The following RBMS3 variants were observed in gnomAD, a reference collection of about 807,000 sequenced individuals.
The protein encoded by RBMS3 is RNA-binding motif, single-stranded-interacting protein 3.
RBMS3 carries 27 observed loss-of-function variants against 66.8 expected under a neutral mutation model. That is an observed-to-expected ratio of 0.40 (90% CI 0.30 to 0.56). The LOEUF (loss-of-function observed/expected upper bound fraction) is 0.56. Among genes scored for constraint, RBMS3 ranks in the 20% least tolerant of loss-of-function variants. The pLI is 0.40. For synonymous variants in RBMS3, 188 were observed against 183.0 expected, an observed-to-expected ratio of 1.03 and a Z score of -0.22; for missense variants, 513 against 549.5, an observed-to-expected ratio of 0.93 and a Z score of 0.66.
intron 6 of RBMS3, among the ~76,000 whole-genome samples, chr3:29,770,181 C>A (rs915207624): frequency 6.6e-6 from 1 of 151,846 alleles, no homozygotes; most frequent in African/African-American, 2.4e-5. Flanking sequence ...TAGTTAAGCA[C>A]AATGATTATG....
intron 6 of RBMS3, among the ~76,000 whole-genome samples, chr3:29,809,683 A>ATT (rs574708630): frequency 6.6e-6 from 1 of 151,140 alleles, no homozygotes; most frequent in Admixed American, 6.6e-5. Flanking sequence ...CTTCTCACAG[A>ATT]TTTTTTTTTA....
intron 2 of RBMS3, among the ~76,000 whole-genome samples, chr3:29,441,047 A>G (rs901548348): frequency 6.6e-6 from 1 of 151,968 alleles, no homozygotes; most frequent in Non-Finnish European, 1.5e-5. Flanking sequence ...ATAAGACCCT[A>G]GGAAATTTAT....
intron 6 of RBMS3, among the ~76,000 whole-genome samples, chr3:29,815,844 G>A (rs200448837): frequency 1.3e-5 from 2 of 152,130 alleles, no homozygotes; most frequent in Admixed American, 6.5e-5. Context: ...AGTGTACACT[G>A]CTTGGGTGAT....
At chr3:29,664,287 A>G (rs527650329) in intron 4 of RBMS3, among the ~76,000 whole-genome samples, 2 of 152,272 alleles carry the variant, frequency 1.3e-5, no homozygotes, top group South Asian at 4.2e-4. Flanking sequence ...CAAGAGATCG[A>G]GACCATCCTA....
At chr3:29,893,148 T>C (rs559628977) in intron 8 of RBMS3, among the ~76,000 whole-genome samples, 12 of 151,660 alleles carry the variant, frequency 7.9e-5, no homozygotes, top group Non-Finnish European at 4.4e-5. Flanking sequence ...ATGCCGATTC[T>C]GTTCTTCCCA....
At chr3:29,476,653 C>T (rs954766660) in intron 2 of RBMS3, among the ~76,000 whole-genome samples, 22 of 151,936 alleles carry the variant, frequency 1.4e-4, no homozygotes, top group Admixed American at 1.2e-3. Context: ...TTGGGTACTT[C>T]GTCTTATACA....
rs571921930 is a variant in RBMS3 at position 29,696,238 on chromosome 3, T to A, written c.400-43482T>A. Among the ~76,000 whole-genome samples the A allele has an allele frequency of 9.2e-5, 14 of 152,286 alleles. No homozygotes were observed. The South Asian group carries it at 2.9e-3, about 32-fold the overall frequency. ...ACTTCACGTGAGTTAGGCTCTCAGT[T>A]TTTTTCATCTTTAAAATGGGGATTA... is the stretch of plus-strand genomic sequence containing the variant. On this transcript the variant is annotated intron_variant, in intron 4 of 14. Transcript: ENST00000383767.
At chr3:29,849,497 G>C (rs1262221496) in intron 6 of RBMS3, among the ~76,000 whole-genome samples, 1 of 148,968 alleles carries the variant, frequency 6.7e-6, no homozygotes, top group Non-Finnish European at 1.5e-5. Flanking sequence ...CTGGGTGACA[G>C]AGTGAGACTC....
intron 5 of RBMS3, among the ~76,000 whole-genome samples, chr3:29,740,815 G>T (rs1165647410): frequency 1.3e-5 from 2 of 152,130 alleles, no homozygotes; most frequent in Non-Finnish European, 2.9e-5. Context: ...GCTGAGAAGG[G>T]CAGATCACAA....
At chr3:29,285,530 T>A (rs763961898) in intron 1 of RBMS3, among the ~76,000 whole-genome samples, 2 of 152,128 alleles carry the variant, frequency 1.3e-5, no homozygotes, top group Non-Finnish European at 2.9e-5. Context: ...TTGCCAATGA[T>A]GTTGCTCTCA....
At chr3:29,877,672 TAAC>T (rs1038892000) in intron 7 of RBMS3, among the ~76,000 whole-genome samples, 2 of 152,154 alleles carry the variant, frequency 1.3e-5, no homozygotes, top group African/African-American at 4.8e-5. Flanking sequence ...TGAGAGCAGA[TAAC>T]TACTGTACAG....
chr3:29,939,981 C>T (rs2061351815), intron 11 of RBMS3, among the ~76,000 whole-genome samples: 1 of 151,786 alleles, frequency 6.6e-6, no homozygotes, highest in Admixed American at 6.6e-5. Context: ...TGTTTCTGCT[C>T]CCTGTTTCCC....
rs944370047 is a variant in RBMS3, at chr3:29,884,185, C to T, written c.768C>T (p.Asp256=). 1 of 1,611,658 alleles carries T rather than the reference C, an allele frequency of 6.2e-7. No homozygotes were observed. Among genetic ancestry groups the T allele is most frequent in the Non-Finnish European group, 8.5e-7 (1 of 1,178,472 alleles). ...AGGCTGGCATGGCTTTGACCTATGA[C>T]CCCACAGCTGCCATACAGAATGGGT... ...EGEAGMALTY[D]PTAAIQNGFY... Residue 256 remains aspartate, a synonymous_variant, in exon 8 of 15, where the codon GAC becomes GAT. Transcript: ENST00000383767.
intron 10 of RBMS3, among the ~76,000 whole-genome samples, chr3:29,912,183 T>A (rs955703092): frequency 2.0e-5 from 3 of 152,072 alleles, no homozygotes; most frequent in African/African-American, 7.2e-5. Flanking sequence ...TTTTATTATT[T>A]GAGAGTTTAT....
intron 4 of RBMS3, among the ~76,000 whole-genome samples, chr3:29,659,449 C>A (rs1435091934): frequency 6.6e-6 from 1 of 152,142 alleles, no homozygotes; most frequent in Non-Finnish European, 1.5e-5. Flanking sequence ...ATTTTGACTA[C>A]TTTTCATACA....
At chr3:29,721,449 C>A (rs1441466730) in intron 4 of RBMS3, among the ~76,000 whole-genome samples, 1 of 152,092 alleles carries the variant, frequency 6.6e-6, no homozygotes, top group African/African-American at 2.4e-5. Flanking sequence ...ATGACAGATT[C>A]TTTCACAGGT....
chr3:29,613,639 C>T (rs533672016), intron 4 of RBMS3, among the ~76,000 whole-genome samples: 1 of 151,992 alleles, frequency 6.6e-6, no homozygotes, highest in South Asian at 2.1e-4. Context: ...GCTCAAACAA[C>T]TCAATAGTAA....
chr3:29,298,461 T>A (rs2033439404), intron 1 of RBMS3, among the ~76,000 whole-genome samples: 1 of 151,964 alleles, frequency 6.6e-6, no homozygotes, highest in Non-Finnish European at 1.5e-5. Flanking sequence ...AAAACCTCTT[T>A]GATACTTACC....
intron 12 of RBMS3, among the ~76,000 whole-genome samples, chr3:29,960,453 C>A (rs1159681601): frequency 6.6e-6 from 1 of 152,154 alleles, no homozygotes; most frequent in Non-Finnish European, 1.5e-5. Flanking sequence ...ACAGTGCAAG[C>A]TGTTGGTGGA....
Sources: allele counts gnomAD v4.1 joint callset (sites outside exome capture counted in the v4.1 genomes callset), GRCh38; gene constraint gnomAD v4.1.1; transcripts MANE v1.5; gene names NCBI Gene and HGNC (gene_info 2026-07-23, HGNC 2026-07-21).